The following RGS22 variants were observed in gnomAD, a reference collection of about 807,000 sequenced individuals.
RGS22 encodes the protein regulator of G protein signaling 22, also known as regulator of G-protein signaling 22.
A neutral mutation model predicts 172.9 loss-of-function variants in RGS22; 148 were observed. The ratio of observed to expected loss-of-function variants is 0.86; its 90% CI spans 0.75 to 0.98. RGS22 has a LOEUF of 0.98. Ranked by LOEUF, RGS22 falls within the 50% of genes least tolerant of loss-of-function variation. The probability of loss-of-function intolerance (pLI) is 0.00; values close to 1 mark genes in which losing one functional copy is unlikely to be tolerated. For missense variants in RGS22, 1,347 were observed against 1,440.8 expected (o/e 0.93, Z 1.05); for synonymous variants, 458 against 480.2 (o/e 0.95, Z 0.60).
chr8:100,097,649 T>C (rs960621942), intron 2 of RGS22, among the ~76,000 whole-genome samples: 3 of 152,240 alleles, frequency 2.0e-5, no homozygotes, highest in Non-Finnish European at 4.4e-5. Flanking sequence ...ACAGGCTTCT[T>C]AGCCTTCTGT....
intron 21 of RGS22, among the ~76,000 whole-genome samples, chr8:99,982,867 A>G (rs1333092782): frequency 2.0e-5 from 3 of 152,132 alleles, no homozygotes; most frequent in Non-Finnish European, 4.4e-5. Context: ...GTTGTATGGG[A>G]ATATTACGTG....
At chr8:100,022,473 T>A (rs1484334720) in intron 14 of RGS22, among the ~76,000 whole-genome samples, 1 of 152,158 alleles carries the variant, frequency 6.6e-6, no homozygotes, top group Non-Finnish European at 1.5e-5. Context: ...TAGATTTGGG[T>A]CATTGCTTAA....
chr8:100,052,086 T>A (rs1821641619), intron 10 of RGS22, among the ~76,000 whole-genome samples: 4 of 87,558 alleles, frequency 4.6e-5, no homozygotes, highest in Admixed American at 1.8e-4. Flanking sequence ...TGTTTATATA[T>A]ATTTATATAT....
chr8:100,098,833 T>C (rs60921131), intron 2 of RGS22, among the ~76,000 whole-genome samples: 5,895 of 85,506 alleles, frequency 0.069, 635 homozygotes, highest in African/African-American at 0.28. Flanking sequence ...CCTGACCCCC[T>C]TTTATTTTTT....
chr8:100,062,572 CTGATTCATGT>C lies in RGS22; in HGVS notation c.1514+9_1514+18del. 1 of 1,521,922 alleles carries C rather than the reference CTGATTCATGT, an allele frequency of 6.6e-7. No individual in the cohort carries two copies. Among genetic ancestry groups the C allele is most frequent in the Non-Finnish European group, 9.0e-7 (1 of 1,111,252 alleles). The allele number at this position is 1,521,922 out of a possible 1,614,324, so 94.3% of individuals were successfully genotyped here. Reference sequence around the variant, plus strand: ...GCGTAAGGAAAGTGAAAGTAAGTAACTGATTCATGTTTTCTTACCAATACAGAAGTAAAGG... The same window carrying C: ...GCGTAAGGAAAGTGAAAGTAAGTAACTTTCTTACCAATACAGAAGTAAAGG... On this transcript the variant is annotated intron_variant, in intron 9 of 27. Coordinates refer to ENST00000360863, the MANE Select transcript of RGS22 (RefSeq NM_015668.5).
Position 100,063,655 on chromosome 8 carries a change from T to C in RGS22, c.1113A>G (p.Gln371=), listed in dbSNP as rs200066062. Residue 371 remains glutamine (Q), a synonymous_variant, in exon 8 of 28, where the codon CAA becomes CAG. Transcript: ENST00000360863. The part of the protein sequence containing the change: ...HGKNFLSELV[Q]TTKERSEEIE... ...TCTCTTCTGACCTCTCCTTTGTAGT[T>C]TGAACTAATTCACTTAAAAAATTCT... 1.2e-5 allele frequency: 20 copies of C among 1,614,106 alleles called. No homozygotes were observed. The highest frequency in any genetic ancestry group is 2.7e-5 in the African/African-American group (2 of 75,062).
chr8:99,978,143 A>G (rs925839046), intron 22 of RGS22, 68 bp from the exon 23 acceptor site: 2 of 871,806 alleles, frequency 2.3e-6, no homozygotes, highest in African/African-American at 1.8e-5. Flanking sequence ...ATTCACCATA[A>G]TAACAGATTA....
rs751197684 is a variant in RGS22 at position 100,105,852 on chromosome 8, C to G, written c.25+45G>C. The G allele has an allele frequency of 5.4e-6, 8 of 1,480,040 alleles. No homozygotes were observed. The South Asian group carries it at 6.4e-5, about 12-fold the overall frequency. 91.7% of individuals were successfully genotyped at this position (1,480,040 alleles called of 1,614,324 possible). ...CAGAGGCTGGCGCGTGGTGCGGCCC[C>G]GACGCCGCGGGCTGATCCTCTGTCC... is the stretch of plus-strand genomic sequence containing the variant. On this transcript the variant is annotated intron_variant, in intron 1 of 27. Transcript: ENST00000360863.
intron 20 of RGS22, among the ~76,000 whole-genome samples, chr8:99,992,873 ACTC>A (rs1363042871): frequency 6.6e-6 from 1 of 152,144 alleles, no homozygotes; most frequent in Non-Finnish European, 1.5e-5. Context: ...GAAGTAAAGC[ACTC>A]CTCAGCAAAT....
chr8:100,048,823 G>A (rs920270604), intron 10 of RGS22, among the ~76,000 whole-genome samples: 2 of 152,172 alleles, frequency 1.3e-5, no homozygotes, highest in Admixed American at 6.5e-5. Context: ...TAGTTACCAG[G>A]GGCTGTGGGG....
chr8:100,019,711 C>CT (rs1334984804), intron 14 of RGS22, among the ~76,000 whole-genome samples: 2 of 151,618 alleles, frequency 1.3e-5, no homozygotes, highest in South Asian at 2.1e-4. Context: ...TAATAAGTCC[C>CT]TTTTTTTTAG....
intron 23 of RGS22, among the ~76,000 whole-genome samples, chr8:99,975,662 T>C (rs1005421682): frequency 4.6e-5 from 7 of 152,082 alleles, no homozygotes; most frequent in African/African-American, 1.7e-4. Context: ...AGTGATGCTG[T>C]GTATATACAT....
chr8:99,962,466 T>A (rs776490307), intron 26 of RGS22, 23 bp from the exon 27 acceptor site: 2 of 1,610,946 alleles, frequency 1.2e-6, no homozygotes, highest in Non-Finnish European at 1.7e-6. Context: ...TGAAGTTTTA[T>A]GTATATATTT....
intron 14 of RGS22, among the ~76,000 whole-genome samples, chr8:100,008,947 G>A (rs1031899969): frequency 6.6e-6 from 1 of 151,882 alleles, no homozygotes; most frequent in Non-Finnish European, 1.5e-5. Context: ...TTGGAAACAA[G>A]TGGCAAGAAT....
At chr8:99,985,231 T>A (rs1812954463) in intron 21 of RGS22, among the ~76,000 whole-genome samples, 1 of 152,236 alleles carries the variant, frequency 6.6e-6, no homozygotes, top group African/African-American at 2.4e-5. Context: ...GTGATGAGAA[T>A]CACATCCTTG....
At chr8:100,052,390 C>T (rs1439997710) in intron 10 of RGS22, among the ~76,000 whole-genome samples, 2 of 150,864 alleles carry the variant, frequency 1.3e-5, no homozygotes, top group Non-Finnish European at 2.9e-5. Flanking sequence ...CAAGCTCCGC[C>T]TCCCGGATTC....
intron 7 of RGS22, among the ~76,000 whole-genome samples, chr8:100,064,604 A>C (rs1810406253): frequency 6.6e-6 from 1 of 152,178 alleles, no homozygotes; most frequent in Non-Finnish European, 1.5e-5. Context: ...AGATGGACTA[A>C]ATATTTGACA....
At chr8:99,995,502 A>G (rs1298134012) in intron 20 of RGS22, among the ~76,000 whole-genome samples, 1 of 152,252 alleles carries the variant, frequency 6.6e-6, no homozygotes, top group African/African-American at 2.4e-5. Context: ...GCCAACAGAC[A>G]TGAAAATATG....
rs1813201131 is a variant in RGS22, at chr8:100,098,847, TTA to T, written c.55-5340_55-5339del. On this transcript the variant is annotated intron_variant, in intron 2 of 27. Transcript: ENST00000360863. ...CCCTGACCCCCTTTTATTTTTTTAT[TTA>T]TTTTATTATTTTATTTATTTTATTT... Among the ~76,000 whole-genome samples the T allele has an allele frequency of 6.5e-5, 9 of 139,324 alleles. 1 individual carries two copies. Among genetic ancestry groups the T allele is most frequent in the Non-Finnish European group, 9.2e-5 (6 of 65,502 alleles). 91.4% of individuals were successfully genotyped at this position (139,324 alleles called of 152,430 possible). A position where few individuals can be genotyped will look rare whatever the true frequency, so the allele number is the denominator to read the frequency against.
Sources: gnomAD v4.1 joint callset for allele counts (sites outside exome capture counted in the v4.1 genomes callset) on GRCh38, gnomAD v4.1.1 for gene constraint, MANE v1.5 for transcripts, NCBI Gene and HGNC (gene_info 2026-07-23, HGNC 2026-07-21) for gene names.